GLT1D1: variants seen among roughly 807,000 people sequenced by gnomAD.
GLT1D1 encodes the protein glycosyltransferase 1 domain containing 1, also known as glycosyltransferase 1 domain-containing protein 1.
GLT1D1 carries 21 observed loss-of-function variants against 28.7 expected under a neutral mutation model. The observed-to-expected ratio is 0.73, with a 90% CI of 0.52 to 1.05. The LOEUF (loss-of-function observed/expected upper bound fraction) is 1.05, where lower values mean the gene tolerates loss of function less well. GLT1D1 is among the 50% of genes least tolerant of loss of function. GLT1D1 has a pLI of 0.00. For missense variants in GLT1D1, 343 were observed against 330.6 expected (o/e 1.04, Z -0.29); for synonymous variants, 147 against 124.8 (o/e 1.18, Z -1.19).
chr12:128,946,827 T>C (rs1876166817), intron 5 of GLT1D1, among the ~76,000 whole-genome samples: 1 of 151,678 alleles, frequency 6.6e-6, no homozygotes, highest in Non-Finnish European at 1.5e-5. Context: ...ATTTGTATTT[T>C]TAGTAGAGAC....
At chr12:128,959,497 T>TG (rs1877716680) in intron 7 of GLT1D1, among the ~76,000 whole-genome samples, 16 of 37,202 alleles carry the variant, frequency 4.3e-4, no homozygotes, top group South Asian at 1.4e-3. Context: ...TGGCAGGGGG[T>TG]GGGGGTGGAG....
intron 1 of GLT1D1, among the ~76,000 whole-genome samples, chr12:128,866,311 C>T (rs931092487): frequency 4.0e-5 from 6 of 151,378 alleles, no homozygotes; most frequent in Non-Finnish European, 8.8e-5. Flanking sequence ...CCTCGTGATC[C>T]ACCCGCCTCA....
intron 1 of GLT1D1, among the ~76,000 whole-genome samples, chr12:128,872,869 G>GTC (rs57376307): frequency 0.027 from 4,118 of 150,854 alleles, 179 homozygotes; most frequent in African/African-American, 0.093. Context: ...CTCTTTCTCT[G>GTC]TCTCTCTCTC....
intron 4 of GLT1D1, among the ~76,000 whole-genome samples, chr12:128,903,002 C>A (rs1301687619): frequency 6.7e-6 from 1 of 150,284 alleles, no homozygotes; most frequent in East Asian, 1.9e-4. Flanking sequence ...AGAGATGGTG[C>A]CACTGCAAGA....
intron 4 of GLT1D1, among the ~76,000 whole-genome samples, chr12:128,930,823 C>A (rs1873778198): frequency 6.6e-6 from 1 of 152,192 alleles, no homozygotes; most frequent in African/African-American, 2.4e-5. Context: ...CTGGATTGAT[C>A]TGTCCTCTTT....
intron 1 of GLT1D1, among the ~76,000 whole-genome samples, chr12:128,869,741 C>T (rs1055921365): frequency 3.3e-5 from 5 of 151,988 alleles, no homozygotes; most frequent in African/African-American, 4.8e-5. Flanking sequence ...GGGGCCTGAC[C>T]CTGCAGATGG....
At chr12:128,942,033 G>A (rs1435432444) in intron 4 of GLT1D1, among the ~76,000 whole-genome samples, 1 of 145,748 alleles carries the variant, frequency 6.9e-6, no homozygotes, top group African/African-American at 2.5e-5. Context: ...GCCATTTGAT[G>A]TAATTCCTGG....
At chr12:128,873,868 CTCCT>C (rs377209374) in intron 1 of GLT1D1, among the ~76,000 whole-genome samples, 2,338 of 119,970 alleles carry the variant, frequency 0.019, 136 homozygotes, top group Admixed American at 0.11. Flanking sequence ...CCCTCCCTCC[CTCCT>C]TCCTTCCTTC....
At chr12:128,909,383 A>G (rs1354729089) in intron 4 of GLT1D1, among the ~76,000 whole-genome samples, 1 of 152,084 alleles carries the variant, frequency 6.6e-6, no homozygotes, top group Non-Finnish European at 1.5e-5. Context: ...GAGGGAGGAA[A>G]AAAGACACTG....
intron 7 of GLT1D1, among the ~76,000 whole-genome samples, chr12:128,969,278 TCA>T (rs1878797366): frequency 6.6e-6 from 1 of 151,992 alleles, no homozygotes; most frequent in Admixed American, 6.6e-5. Context: ...GCTCTCTCTC[TCA>T]CTCTCTCTCT....
chr12:128,881,534 GAAAAAAAAAAA>G (rs1161429342), intron 2 of GLT1D1, among the ~76,000 whole-genome samples: 15 of 23,896 alleles, frequency 6.3e-4, no homozygotes, highest in African/African-American at 1.3e-3. Context: ...ACTCTGTATC[GAAAAAAAAAAA>G]AAAAAAAAAA....
intron 1 of GLT1D1, 144 bp downstream of exon 1, chr12:128,853,793 C>G: frequency 2.1e-6 from 1 of 482,424 alleles, no homozygotes; most frequent in Non-Finnish European, 2.8e-6. Flanking sequence ...ACGGATGGGC[C>G]GGTGCCGCCT....
In GLT1D1 at chr12:128,972,317, G is replaced by T. The variant is rs933381510; in HGVS notation, c.640-10612G>T. On this transcript the variant is annotated intron_variant, in intron 7 of 7. Coordinates refer to ENST00000281703, the MANE Select transcript of GLT1D1 (RefSeq NM_144669.3). ...TTCCATGGCCTGGCTCCAGCTCCAC[G>T]TGTAGGTAGCTGCGGGAGAGAGAAG... 5.3e-5 allele frequency among the ~76,000 whole-genome samples: 8 copies of T among 152,264 alleles called. No individual in the cohort carries two copies. The South Asian group carries it at 1.7e-3, about 31-fold the overall frequency.
At chr12:128,856,466 A>G (rs1956226078) in intron 1 of GLT1D1, among the ~76,000 whole-genome samples, 1 of 152,202 alleles carries the variant, frequency 6.6e-6, no homozygotes, top group African/African-American at 2.4e-5. Flanking sequence ...ATTGAGAGGC[A>G]TGATGATGGC....
chr12:128,853,491 C>T lies in GLT1D1; in HGVS notation c.-91C>T. ...GGGGCGGGCGGGACAGACCCAGCCG[C>T]CCCGGCTCCCCCGCCGTCCGCGTCT... On this transcript the variant is annotated 5_prime_UTR_variant, in exon 1 of 8. Coordinates refer to ENST00000281703, the MANE Select transcript of GLT1D1 (RefSeq NM_144669.3). 1.0e-6 allele frequency: 1 copy of T among 963,380 alleles called. No homozygotes were observed. Among genetic ancestry groups the T allele is most frequent in the Non-Finnish European group, 1.2e-6 (1 of 806,614 alleles). 59.7% of individuals were successfully genotyped at this position (963,380 alleles called of 1,614,324 possible).
intron 7 of GLT1D1, among the ~76,000 whole-genome samples, chr12:128,971,874 C>T (rs2461529): frequency 1.5e-5 from 2 of 130,748 alleles, no homozygotes; most frequent in African/African-American, 3.2e-5. Flanking sequence ...CCTCCTCCCT[C>T]CCTCCTCTCT....
intron 2 of GLT1D1, among the ~76,000 whole-genome samples, chr12:128,879,429 T>TCTTTCTTTCTTTCTTC: frequency 8.9e-6 from 1 of 112,172 alleles, no homozygotes; most frequent in East Asian, 2.5e-4. Flanking sequence ...TTTCTTTCTT[T>TCTTTCTTTCTTTCTTC]CTTTCTTTCT....
intron 6 of GLT1D1, among the ~76,000 whole-genome samples, chr12:128,952,922 G>A (rs958577535): frequency 6.6e-6 from 1 of 151,786 alleles, no homozygotes; most frequent in South Asian, 2.1e-4. Flanking sequence ...GGAACCACAG[G>A]CATGCACCAC....
chr12:128,946,304 T>C (rs1876061589), intron 5 of GLT1D1, among the ~76,000 whole-genome samples: 1 of 152,194 alleles, frequency 6.6e-6, no homozygotes, highest in African/African-American at 2.4e-5. Context: ...GGAACAGGGC[T>C]TTTGTGACAT....
Sources: gnomAD v4.1 joint callset for allele counts (sites outside exome capture counted in the v4.1 genomes callset) on GRCh38, gnomAD v4.1.1 for gene constraint, MANE v1.5 for transcripts, NCBI Gene and HGNC (gene_info 2026-07-23, HGNC 2026-07-21) for gene names.